The following ADCY7 variants were observed in gnomAD, a reference collection of about 807,000 sequenced individuals.
ADCY7 encodes the protein adenylate cyclase type 7.
A neutral mutation model predicts 120.6 loss-of-function variants in ADCY7; 72 were observed. The observed-to-expected ratio is 0.60, with a 90% confidence interval of 0.49 to 0.73. The LOEUF is 0.73. ADCY7 is among the 30% of genes least tolerant of loss of function. The pLI is 0.00. For missense variants in ADCY7, 1,227 were observed against 1,486.0 expected, an observed-to-expected ratio of 0.83 and a Z score of 2.87; for synonymous variants, 661 against 628.0, an observed-to-expected ratio of 1.05 and a Z score of -0.78.
upstream of ADCY7, among the ~76,000 whole-genome samples, chr16:50,265,462 A>G (rs1400054882): frequency 6.6e-6 from 1 of 152,074 alleles, no homozygotes; most frequent in East Asian, 1.9e-4. Context: ...AGCACCTAAC[A>G]TGTTCAGTTC....
At chr16:50,248,327 G>A (rs2032653046) in intron 1 of ADCY7, among the ~76,000 whole-genome samples, 1 of 152,214 alleles carries the variant, frequency 6.6e-6, no homozygotes, top group South Asian at 2.1e-4. Flanking sequence ...TGGGCACAAA[G>A]GAATGTTGCT....
chr16:50,266,379 G>T, upstream of ADCY7: 1 of 152,816 alleles, frequency 6.5e-6, no homozygotes, highest in South Asian at 1.9e-4. Flanking sequence ...ATTGGAGCCC[G>T]ACAGCTCCCA....
At chr16:50,296,442 C>T (rs2035357813) in intron 7 of ADCY7, among the ~76,000 whole-genome samples, 1 of 150,900 alleles carries the variant, frequency 6.6e-6, no homozygotes, top group Non-Finnish European at 1.5e-5. Flanking sequence ...TCACTGCAAG[C>T]TCCGCCTCCC....
intron 10 of ADCY7, among the ~76,000 whole-genome samples, chr16:50,303,106 A>G (rs1013389236): frequency 3.9e-5 from 6 of 152,126 alleles, no homozygotes; most frequent in Non-Finnish European, 8.8e-5. Context: ...GGGTGTCTGG[A>G]TTCTCTGCTA....
intron 1 of ADCY7, among the ~76,000 whole-genome samples, chr16:50,260,336 G>C (rs1393386231): frequency 1.3e-5 from 2 of 152,192 alleles, no homozygotes; most frequent in African/African-American, 4.8e-5. Flanking sequence ...ATAAGTTCAG[G>C]TTCTTTGAGC....
intron 25 of ADCY7, 46 bp downstream of exon 25, chr16:50,315,184 C>A (rs779687436): frequency 1.1e-5 from 18 of 1,607,430 alleles, no homozygotes; most frequent in Non-Finnish European, 1.4e-5. Context: ...AAAAGATCTT[C>A]CCCAGAGGTG....
At chr16:50,275,999 G>A (rs2033865766) in intron 1 of ADCY7, among the ~76,000 whole-genome samples, 4 of 152,200 alleles carry the variant, frequency 2.6e-5, no homozygotes, top group Non-Finnish European at 1.5e-5. Context: ...TGGGCTCAGA[G>A]GTCGCAGAGC....
chr16:50,282,478 C>T (rs2034334227), intron 1 of ADCY7, among the ~76,000 whole-genome samples: 1 of 152,132 alleles, frequency 6.6e-6, no homozygotes, highest in Non-Finnish European at 1.5e-5. Context: ...TGGGGTTGCT[C>T]AGCAGGCTTC....
At position 50,311,454 on chromosome 16, in the gene ADCY7, C is replaced by T. The variant is rs577647941; in HGVS notation, c.2355-239C>T. 1.1e-4 allele frequency among the ~76,000 whole-genome samples: 17 copies of T among 152,326 alleles called. No homozygotes were observed. In the South Asian group the frequency reaches 3.5e-3, roughly 32 times the overall value. On this transcript the variant is annotated intron_variant, in intron 19 of 25. Transcript: ENST00000673801. ...CTGGGCTCCCTTCAGGCCCTCATCA[C>T]AGCTGATTCTGGTCATTCAGGGGTG...
chr16:50,253,170 C>T (rs1247161644), intron 1 of ADCY7, among the ~76,000 whole-genome samples: 6 of 152,210 alleles, frequency 3.9e-5, no homozygotes, highest in African/African-American at 1.4e-4. Context: ...TAGAGAGCTG[C>T]ACTAAACAGC....
chr16:50,310,088 G>T (rs1475887036), intron 18 of ADCY7, among the ~76,000 whole-genome samples: 1 of 152,264 alleles, frequency 6.6e-6, no homozygotes, highest in Non-Finnish European at 1.5e-5. Flanking sequence ...AGACTCTGCA[G>T]CTTCAGAGGC....
intron 2 of ADCY7, among the ~76,000 whole-genome samples, chr16:50,288,916 T>C (rs898401463): frequency 6.6e-6 from 1 of 151,956 alleles, no homozygotes; most frequent in Admixed American, 6.6e-5. Context: ...TCCTGGCTTA[T>C]CCTCCTGAGT....
Position 50,308,699 on chromosome 16 carries a change from T to C in ADCY7, c.1968T>C (p.Thr656=). ...RCCPARGTLC[T]ISERVETQPL... is the part of the protein sequence containing the mutation. ...GCCCAGCTCGGGGGACGCTCTGCAC[T>C]ATCTCTGAGAGGGTGGAGACACAGC... The change falls in exon 17 of 26, where the codon ACT becomes ACC. Residue 656 remains threonine, a synonymous_variant. Transcript: ENST00000673801. 1 of 1,613,692 alleles carries C rather than the reference T, an allele frequency of 6.2e-7. No individual in the cohort carries two copies. The highest frequency in any genetic ancestry group is 8.5e-7 in the Non-Finnish European group (1 of 1,179,952).
intron 1 of ADCY7, among the ~76,000 whole-genome samples, chr16:50,278,206 G>T (rs923956398): frequency 6.6e-6 from 1 of 151,892 alleles, no homozygotes; most frequent in Non-Finnish European, 1.5e-5. Context: ...CACCTGGCTA[G>T]TTTTTGTATT....
At chr16:50,286,582 C>T (rs929403390) in intron 1 of ADCY7, among the ~76,000 whole-genome samples, 1 of 152,118 alleles carries the variant, frequency 6.6e-6, no homozygotes, top group African/African-American at 2.4e-5. Context: ...GATGCATGTC[C>T]CCAAATCTCA....
intron 1 of ADCY7, chr16:50,274,066 G>A (rs1489075518): frequency 6.6e-6 from 1 of 152,370 alleles, no homozygotes; most frequent in African/African-American, 2.4e-5. Context: ...TTGGAGGTGA[G>A]GAGGTGGGCG....
intron 1 of ADCY7, among the ~76,000 whole-genome samples, chr16:50,252,435 C>T (rs1007230048): frequency 6.7e-6 from 1 of 148,380 alleles, no homozygotes; most frequent in African/African-American, 2.6e-5. Flanking sequence ...GAGGCAGCCA[C>T]TGGGTAGGCA....
At chr16:50,312,799 T>A in intron 21 of ADCY7, 91 bp from the exon 22 acceptor site, 2 of 1,173,474 alleles carry the variant, frequency 1.7e-6, no homozygotes, top group Admixed American at 4.0e-5. Context: ...GGCTGGGCAG[T>A]TCAGCAGTGC....
chr16:50,311,816 A>ACCAC, intron 20 of ADCY7, 30 bp downstream of exon 20: 1 of 1,137,278 alleles, frequency 8.8e-7, no homozygotes, highest in African/African-American at 2.1e-5. Flanking sequence ...CCCCCCCCCC[A>ACCAC]AGCTCTGCCC....
Sources: allele counts gnomAD v4.1 joint callset (sites outside exome capture counted in the v4.1 genomes callset), GRCh38; gene constraint gnomAD v4.1.1; transcripts MANE v1.5; gene names NCBI Gene and HGNC (gene_info 2026-07-23, HGNC 2026-07-21).